The following TFAP4 variants were observed in gnomAD, a reference collection of about 807,000 sequenced individuals.
The protein encoded by TFAP4 is activating enhancer-binding protein 4.
A neutral mutation model predicts 40.4 loss-of-function variants in TFAP4; 7 were observed. The ratio of observed to expected loss-of-function variants is 0.17; its 90% CI spans 0.10 to 0.33. The LOEUF (loss-of-function observed/expected upper bound fraction) is 0.33. Ranked by LOEUF, TFAP4 falls within the 10% of genes least tolerant of loss-of-function variation. The probability of loss-of-function intolerance (pLI) is 1.00; values close to 1 mark genes in which losing one functional copy is unlikely to be tolerated. For synonymous variants in TFAP4, 218 were observed against 181.4 expected, an observed-to-expected ratio of 1.20 and a Z score of -1.62; for missense variants, 374 against 451.1, an observed-to-expected ratio of 0.83 and a Z score of 1.55.
chr16:4,262,442 G>A lies in TFAP4; in HGVS notation c.256-20C>T, dbSNP rs780975353. 3.1e-6 allele frequency: 5 copies of A among 1,613,946 alleles called. No homozygotes were observed. Among genetic ancestry groups the A allele is most frequent in the Non-Finnish European group, 4.2e-6 (5 of 1,179,904 alleles). Reference sequence around the variant, plus strand: ...GGCTGCCTGAGGGCGTGGAAAAGCCGAGAGTCAGGCTGGCAGTGTTTACCA... The same window carrying A: ...GGCTGCCTGAGGGCGTGGAAAAGCCAAGAGTCAGGCTGGCAGTGTTTACCA... On this transcript the variant is annotated intron_variant, in intron 2 of 6. Coordinates refer to ENST00000204517, the MANE Select transcript of TFAP4 (RefSeq NM_003223.3).
chr16:4,272,800 T>C lies in TFAP4; in HGVS notation c.-54A>G. ...CCAGGTCCCGCGATCAGCCGGAGAA[T>C]GCAAGATGGAAATCCGAATCAAAGG... On this transcript the variant is annotated 5_prime_UTR_variant, in exon 1 of 7. Transcript: ENST00000204517. 10 of 1,537,340 alleles carry C rather than the reference T, an allele frequency of 6.5e-6. No individual in the cohort carries two copies. The highest frequency in any genetic ancestry group is 8.9e-6 in the Non-Finnish European group (10 of 1,122,882).
At chr16:4,264,309 C>CAGAT (rs1193001476) in intron 1 of TFAP4, 2 of 152,562 alleles carry the variant, frequency 1.3e-5, no homozygotes, top group Non-Finnish European at 2.9e-5. Flanking sequence ...CCAGCCTGCC[C>CAGAT]ATCTGTCCAG....
At position 4,260,643 on chromosome 16, in the gene TFAP4, C is replaced by T. The variant is rs117919747; in HGVS notation, c.526-48G>A. The T allele has an allele frequency of 1.0e-4, 157 of 1,535,218 alleles. No homozygotes were observed. In the East Asian group the frequency reaches 3.4e-3, roughly 33 times the overall value. ...TCAGGGCCAAGGCCGGGAGCACACC[C>T]TGCCCTGTCAGTCTCACAGCAGCTC... On this transcript the variant is annotated intron_variant, in intron 4 of 6. Transcript: ENST00000204517.
intron 1 of TFAP4, among the ~76,000 whole-genome samples, chr16:4,272,011 G>C (rs1240047701): frequency 6.6e-6 from 1 of 151,736 alleles, no homozygotes; most frequent in Admixed American, 6.6e-5. Context: ...GCCCGGGCGC[G>C]GGCGGGCGAG....
rs755686241 is a variant in TFAP4 at position 4,261,908 on chromosome 16, G to C, written c.396C>G (p.Asp132Glu). 1.9e-6 allele frequency: 3 copies of C among 1,612,790 alleles called. No individual in the cohort carries two copies. In the South Asian group the frequency reaches 3.3e-5, roughly 18 times the overall value. Reference protein sequence around the residue: ...GSSPKRRRAEDKDEGIGSPDI... With the variant: ...GSSPKRRRAEEKDEGIGSPDI... ...CCGGGGAGCCTATGCCTTCGTCCTTGTCCTCTGCCCGCCGTCGCTTGGGGG... is the reference window on the plus strand; with the variant it reads ...CCGGGGAGCCTATGCCTTCGTCCTTCTCCTCTGCCCGCCGTCGCTTGGGGG... The change falls in exon 4 of 7, where the codon GAC (aspartate) becomes GAG (glutamate). Residue 132 changes from aspartate to glutamate, a missense_variant. Asp to Glu is a conservative substitution (Grantham distance 45, BLOSUM62 2). This residue lies in a region of TFAP4 where 51 missense variants were observed against 91.1 expected (regional missense o/e 0.56). Transcript: ENST00000204517.
At chr16:4,260,697 G>T in intron 4 of TFAP4, 102 bp from the exon 5 acceptor site, 1 of 1,376,132 alleles carries the variant, frequency 7.3e-7, no homozygotes, top group Non-Finnish European at 9.5e-7. Context: ...CCCTAGCACA[G>T]GGCGGGCCCC....
chr16:4,262,482 C>A lies in TFAP4; in HGVS notation c.255+54G>T, dbSNP rs578013658. 1.6e-5 allele frequency: 26 copies of A among 1,613,596 alleles called. No individual in the cohort carries two copies. In the South Asian group the frequency reaches 2.9e-4, roughly 18 times the overall value. On this transcript the variant is annotated intron_variant, in intron 2 of 6. Transcript: ENST00000204517. Reference sequence around the variant, plus strand: ...AGTGTTTACCAGAGCTCACTTTCCTCTCCCAGCGGGAACCTGCCGGCTCCT... The same window carrying A: ...AGTGTTTACCAGAGCTCACTTTCCTATCCCAGCGGGAACCTGCCGGCTCCT...
chr16:4,272,338 G>T (rs1217159893), intron 1 of TFAP4, among the ~76,000 whole-genome samples: 1 of 151,974 alleles, frequency 6.6e-6, no homozygotes, highest in Non-Finnish European at 1.5e-5. Flanking sequence ...GAGGAAGCGC[G>T]GGGGGGAAGG....
intron 1 of TFAP4, among the ~76,000 whole-genome samples, chr16:4,271,341 G>A (rs999793564): frequency 1.3e-5 from 2 of 152,218 alleles, no homozygotes; most frequent in Non-Finnish European, 2.9e-5. Context: ...GACTGCCTCG[G>A]GCGGCAGAGC....
chr16:4,267,837 C>G (rs900400675), intron 1 of TFAP4, among the ~76,000 whole-genome samples: 4 of 152,202 alleles, frequency 2.6e-5, no homozygotes, highest in African/African-American at 7.2e-5. Flanking sequence ...CTCATCCATG[C>G]TCCATCCCCG....
At position 4,272,964 on chromosome 16, in the gene TFAP4, G is replaced by GTGTGTGTGTGTGTGTGTC. The variant is rs2053053244; in HGVS notation, c.-219_-218insGACACACACACACACACA. 1 of 333,866 alleles carries GTGTGTGTGTGTGTGTGTC rather than the reference G, an allele frequency of 3.0e-6. No homozygotes were observed. Among genetic ancestry groups the GTGTGTGTGTGTGTGTGTC allele is most frequent in the African/African-American group, 2.7e-5 (1 of 37,002 alleles). The allele number at this position is 333,866 out of a possible 1,614,324, so 20.7% of individuals were successfully genotyped here. ...TCCCCGGGCGTGTGTATGTGTGTGT[G>GTGTGTGTGTGTGTGTGTC]TGTGTGTGTGTGTGTGTGTGTGTGT... On this transcript the variant is annotated 5_prime_UTR_variant, in exon 1 of 7. Coordinates refer to ENST00000204517, the MANE Select transcript of TFAP4 (RefSeq NM_003223.3).
chr16:4,262,830 A>AG (rs1279484230), intron 1 of TFAP4, 129 bp from the exon 2 acceptor site: 1 of 1,072,382 alleles, frequency 9.3e-7, no homozygotes, highest in Admixed American at 2.3e-5. Flanking sequence ...AGAGTGATGG[A>AG]GGGGTGCTCT....
intron 1 of TFAP4, chr16:4,266,245 G>C (rs527777657): frequency 1.3e-5 from 2 of 152,198 alleles, no homozygotes; most frequent in Admixed American, 1.3e-4. Context: ...AGAATCTGCC[G>C]GCCCAGCTTC....
At chr16:4,263,777 G>A in intron 1 of TFAP4, 1 of 154,062 alleles carries the variant, frequency 6.5e-6, no homozygotes. Flanking sequence ...GGGCGTGGCT[G>A]CTGGCTGGGG....
Position 4,270,351 on chromosome 16 carries a change from G to T in TFAP4, c.89+2307C>A, listed in dbSNP as rs574183460. Among the ~76,000 whole-genome samples the T allele has an allele frequency of 2.6e-5, 4 of 152,242 alleles. No individual in the cohort carries two copies. The South Asian group carries it at 6.2e-4, about 24-fold the overall frequency. On this transcript the variant is annotated intron_variant, in intron 1 of 6. Coordinates refer to ENST00000204517, the MANE Select transcript of TFAP4 (RefSeq NM_003223.3). ...CCTACAATCCCCTCTGGCAGGCCTG[G>T]GAGACAGAAAGACAGGGAGATCCCT...
chr16:4,271,936 C>A (rs1017243185), intron 1 of TFAP4, among the ~76,000 whole-genome samples: 1 of 152,192 alleles, frequency 6.6e-6, no homozygotes, highest in Non-Finnish European at 1.5e-5. Flanking sequence ...CGCGAGGCCG[C>A]GCGCAGAGGT....
intron 3 of TFAP4, 79 bp from the exon 4 acceptor site, chr16:4,262,028 C>A: frequency 1.4e-6 from 2 of 1,421,074 alleles, no homozygotes; most frequent in Non-Finnish European, 9.4e-7. Context: ...CGCAGCCCCC[C>A]AAAGCTGCCC....
chr16:4,264,586 G>C (rs1406759706), intron 1 of TFAP4: 3 of 152,424 alleles, frequency 2.0e-5, no homozygotes, highest in East Asian at 3.8e-4. Flanking sequence ...GTGCAGGGCA[G>C]AGAGGGGATG....
intron 4 of TFAP4, 39 bp from the exon 5 acceptor site, chr16:4,260,634 G>A: frequency 6.4e-7 from 1 of 1,551,296 alleles, no homozygotes; most frequent in Non-Finnish European, 8.7e-7. Context: ...CCAAGGCCGG[G>A]AGCACACCCT....
Sources: gnomAD v4.1 joint callset for allele counts (sites outside exome capture counted in the v4.1 genomes callset) on GRCh38, gnomAD v4.1.1 for gene constraint, gnomAD v4.1.1 regional missense constraint, MANE v1.5 for transcripts, NCBI Gene and HGNC (gene_info 2026-07-23, HGNC 2026-07-21) for gene names.